Variants in CAST observed in about 807,000 individuals in gnomAD.
CAST encodes calpastatin, also known as MIR583 host.
A neutral mutation model predicts 119.6 loss-of-function variants in CAST; 76 were observed. The ratio of observed to expected loss-of-function variants is 0.64; its 90% confidence interval spans 0.53 to 0.77. The LOEUF (loss-of-function observed/expected upper bound fraction) is 0.77, where lower values mean the gene tolerates loss of function less well. CAST is among the 30% of genes least tolerant of loss of function. CAST has a pLI of 0.00. For missense variants in CAST, 953 were observed against 946.5 expected, an observed-to-expected ratio of 1.01 and a Z score of -0.09; for synonymous variants, 319 against 331.6, an observed-to-expected ratio of 0.96 and a Z score of 0.41.
intron 1 of CAST, among the ~76,000 whole-genome samples, chr5:96,602,454 C>T (rs1190799176): frequency 6.6e-6 from 1 of 152,142 alleles, no homozygotes; most frequent in Non-Finnish European, 1.5e-5. Context: ...TATAAAGGAA[C>T]TAAACAGGGT....
At chr5:96,070,595 G>C in the CAST span, among the ~76,000 whole-genome samples, 3 of 152,200 alleles carry the variant, frequency 2.0e-5, no homozygotes, top group Non-Finnish European at 4.4e-5. Context: ...TGGCGATGTT[G>C]TGACCAAGGC....
At chr5:96,310,327 G>T in the CAST span, among the ~76,000 whole-genome samples, 6 of 152,112 alleles carry the variant, frequency 3.9e-5, no homozygotes, top group Non-Finnish European at 7.4e-5. Flanking sequence ...GTTGAATTTT[G>T]TTTGCTGCTA....
At chr5:96,094,753 T>G in the CAST span, among the ~76,000 whole-genome samples, 2 of 152,220 alleles carry the variant, frequency 1.3e-5, no homozygotes, top group African/African-American at 4.8e-5. Context: ...GAAGTCAGGC[T>G]CAGCAAACCT....
At chr5:96,574,695 G>C (rs1746635518) in intron 1 of CAST, among the ~76,000 whole-genome samples, 1 of 151,858 alleles carries the variant, frequency 6.6e-6, no homozygotes, top group Non-Finnish European at 1.5e-5. Flanking sequence ...ATCCATTTTT[G>C]GTTAATTTTT....
chr5:96,675,224 G>T (rs1750562063), intron 1 of CAST, among the ~76,000 whole-genome samples: 1 of 152,180 alleles, frequency 6.6e-6, no homozygotes, highest in Admixed American at 6.5e-5. Context: ...CTTGATGAAT[G>T]AGATGTCTAC....
chr5:96,722,294 T>C (rs759937981), intron 3 of CAST, among the ~76,000 whole-genome samples: 9 of 152,184 alleles, frequency 5.9e-5, no homozygotes, highest in Non-Finnish European at 1.3e-4. Context: ...ATTATAATAA[T>C]ATTTACTGAG....
At chr5:96,148,441 A>G in the CAST span, among the ~76,000 whole-genome samples, 5 of 152,208 alleles carry the variant, frequency 3.3e-5, no homozygotes, top group Non-Finnish European at 7.3e-5. Context: ...TAGAATCTTC[A>G]TAAGCTTTTT....
intron 1 of CAST, among the ~76,000 whole-genome samples, chr5:96,674,064 G>T (rs1387665295): frequency 6.6e-6 from 1 of 152,076 alleles, no homozygotes; most frequent in Admixed American, 6.5e-5. Flanking sequence ...GTATTCCTTG[G>T]CCATTTTTAG....
the CAST span, among the ~76,000 whole-genome samples, chr5:96,259,149 A>C: frequency 2.0e-5 from 3 of 152,232 alleles, no homozygotes; most frequent in Admixed American, 2.0e-4. Context: ...ACATGAATGC[A>C]AAGTGGAAGT....
chr5:96,304,261 C>T, the CAST span, among the ~76,000 whole-genome samples: 1 of 152,192 alleles, frequency 6.6e-6, no homozygotes, highest in Non-Finnish European at 1.5e-5. Context: ...TGAGATGTGT[C>T]TGTTCATATC....
chr5:96,218,180 G>A, the CAST span, among the ~76,000 whole-genome samples: 119 of 152,292 alleles, frequency 7.8e-4, no homozygotes, highest in African/African-American at 2.7e-3. Context: ...CACACTAGGT[G>A]AACACTGACC....
At chr5:96,654,352 A>T (rs1346070544) in intron 1 of CAST, among the ~76,000 whole-genome samples, 1 of 151,718 alleles carries the variant, frequency 6.6e-6, no homozygotes, top group Non-Finnish European at 1.5e-5. Context: ...TCTTTTTCTT[A>T]CCTTTCTTTC....
rs758171351 is a variant in CAST, at chr5:96,765,266, A to T, written c.1978A>T (p.Ser660Cys). ...TGATGCCTTGGATAAACTCTCTGAC[A>T]GTCTAGGACAAAGGCAGCCTGACCC... ...LDDALDKLSD[S>C]LGQRQPDPDE... Residue 660 changes from serine to cysteine, a missense_variant, in exon 26 of 32, where the codon AGT becomes TGT. Transcript: ENST00000675179. 5.0e-6 allele frequency: 8 copies of T among 1,608,602 alleles called. No homozygotes were observed. In the East Asian group the frequency reaches 1.6e-4, roughly 31 times the overall value.
At chr5:96,005,867 A>G in the CAST span, among the ~76,000 whole-genome samples, 241 of 152,302 alleles carry the variant, frequency 1.6e-3, 2 homozygotes, top group Admixed American at 0.012. Flanking sequence ...AGAGTATATT[A>G]AGTGTAGTGC....
chr5:96,553,535 G>A (rs1746176074), intron 1 of CAST, among the ~76,000 whole-genome samples: 1 of 152,160 alleles, frequency 6.6e-6, no homozygotes, highest in Admixed American at 6.6e-5. Context: ...ATTCAACATA[G>A]TATTGGAAGT....
chr5:96,408,247 A>G, the CAST span: 1 of 1,613,940 alleles, frequency 6.2e-7, no homozygotes, highest in Non-Finnish European at 8.5e-7. Flanking sequence ...CAGAGCGAAG[A>G]TGCCAGCAGC....
the CAST span, among the ~76,000 whole-genome samples, chr5:96,102,863 A>G: frequency 6.6e-6 from 1 of 152,132 alleles, no homozygotes; most frequent in East Asian, 1.9e-4. Flanking sequence ...AATGAATAAG[A>G]TCTCAAGAAA....
chr5:96,197,570 A>G, the CAST span, among the ~76,000 whole-genome samples: 1 of 152,262 alleles, frequency 6.6e-6, no homozygotes, highest in African/African-American at 2.4e-5. Flanking sequence ...TTTAAAAGGG[A>G]AGTCGTATGT....
At chr5:96,764,176 T>C (rs1768992552) in intron 25 of CAST, among the ~76,000 whole-genome samples, 1 of 152,210 alleles carries the variant, frequency 6.6e-6, no homozygotes. Context: ...TTGAAAAATA[T>C]GGATTTTGCT....
Sources: gnomAD v4.1 joint callset for allele counts (sites outside exome capture counted in the v4.1 genomes callset) on GRCh38, gnomAD v4.1.1 for gene constraint, MANE v1.5 for transcripts, NCBI Gene and HGNC (gene_info 2026-07-23, HGNC 2026-07-21) for gene names.